The following PRKN variants were observed in gnomAD, a reference collection of about 807,000 sequenced individuals.
The protein encoded by PRKN is E3 ubiquitin-protein ligase parkin.
Under a neutral mutation model 59.5 loss-of-function variants are expected in PRKN, and 56 were observed. That is an observed-to-expected ratio of 0.94 (90% confidence interval 0.76 to 1.18). The LOEUF is 1.18. Among genes scored for constraint, PRKN ranks in the 50% most tolerant of loss-of-function variants. The probability of loss-of-function intolerance (pLI) is 0.00; values close to 1 mark genes in which losing one functional copy is unlikely to be tolerated. For missense variants in PRKN, 657 were observed against 596.4 expected (o/e 1.10, Z -1.06); for synonymous variants, 250 against 222.1 (o/e 1.13, Z -1.12).
rs1467752889 is a variant in PRKN, at chr6:161,584,347, A to G, written c.872-14931T>C. 1.3e-5 allele frequency among the ~76,000 whole-genome samples: 2 copies of G among 152,362 alleles called. No individual in the cohort carries two copies. The highest frequency in any genetic ancestry group is 2.1e-4 in the South Asian group (1 of 4,828). ...GGTGACTCATAGAGCAGTCACCCAC[A>G]TAATTGCTCTGAATATAATGGTGCT... On this transcript the variant is annotated intron_variant, in intron 7 of 11. Transcript: ENST00000366898. This position sits in a 1 kb window ranked among gnomAD's most constrained non-coding sequence, Gnocchi z 4.8.
chr6:162,006,598 C>T (rs1782264832), intron 5 of PRKN, among the ~76,000 whole-genome samples: 1 of 152,204 alleles, frequency 6.6e-6, no homozygotes. Flanking sequence ...CACTGTCCTC[C>T]TTTCAGCTCT....
At chr6:162,276,707 C>CTG (rs34617876) in intron 2 of PRKN, among the ~76,000 whole-genome samples, 4,716 of 144,488 alleles carry the variant, frequency 0.033, 125 homozygotes, top group Non-Finnish European at 0.041. Flanking sequence ...GTGTGTGTGT[C>CTG]TGTGTGTGTG....
At chr6:162,534,991 CCCCAG>C (rs1778660230) in intron 1 of PRKN, among the ~76,000 whole-genome samples, 1 of 148,584 alleles carries the variant, frequency 6.7e-6, no homozygotes, top group African/African-American at 2.6e-5. Flanking sequence ...TCTCTTCCTT[CCCCAG>C]TCCTCTTCCA....
At chr6:162,249,463 G>A (rs1779336374) in intron 3 of PRKN, among the ~76,000 whole-genome samples, 1 of 152,140 alleles carries the variant, frequency 6.6e-6, no homozygotes, top group Non-Finnish European at 1.5e-5. Context: ...TGCCTACGAA[G>A]CCCAGTGGAC....
chr6:162,082,520 C>A (rs911976020), intron 4 of PRKN, among the ~76,000 whole-genome samples: 6 of 152,182 alleles, frequency 3.9e-5, no homozygotes, highest in Non-Finnish European at 1.5e-5. Context: ...TCTTTCTAAT[C>A]ATTTTTGTCT....
At chr6:162,269,658 T>C (rs1224800819) in intron 2 of PRKN, 2 of 152,216 alleles carry the variant, frequency 1.3e-5, no homozygotes, top group Non-Finnish European at 2.9e-5. Context: ...GTCTTCAATA[T>C]CTTCAGTATC....
chr6:161,390,623 G>A lies in PRKN; in HGVS notation c.1084-3746C>T, dbSNP rs1292855978. The stretch of plus-strand genomic sequence containing the variant: ...CCCGTCTCAGCCTCCTGAGTAGCTG[G>A]GACTACAGGCGCCTGCCACCACGCC... On this transcript the variant is annotated intron_variant, in intron 9 of 11. Coordinates refer to ENST00000366898, the MANE Select transcript of PRKN (RefSeq NM_004562.3). The surrounding 1 kb of genome is among the most constrained non-coding windows in gnomAD (Gnocchi z 7.0). Among the ~76,000 whole-genome samples the A allele has an allele frequency of 6.6e-6, 1 of 152,012 alleles. No individual in the cohort carries two copies. Among genetic ancestry groups the A allele is most frequent in the Non-Finnish European group, 1.5e-5 (1 of 68,026 alleles).
chr6:162,023,832 G>C (rs543414412), intron 5 of PRKN, among the ~76,000 whole-genome samples: 2 of 152,078 alleles, frequency 1.3e-5, no homozygotes, highest in South Asian at 2.1e-4. Flanking sequence ...CTATCATTTA[G>C]AAGGACCATA....
At chr6:161,449,246 G>A (rs1583082080) in intron 9 of PRKN, among the ~76,000 whole-genome samples, 2 of 152,230 alleles carry the variant, frequency 1.3e-5, no homozygotes, top group East Asian at 1.9e-4. Flanking sequence ...TTTGTCCCAC[G>A]ATTTAGCATG....
intron 7 of PRKN, among the ~76,000 whole-genome samples, chr6:161,645,722 T>G (rs141575399): frequency 5.3e-4 from 81 of 152,382 alleles, no homozygotes; most frequent in African/African-American, 1.9e-3. Flanking sequence ...CACAATAAAG[T>G]GTCCATCACT....
In PRKN at chr6:162,161,718, G is replaced by A. The variant is rs76256006; in HGVS notation, c.534+39413C>T. Among the ~76,000 whole-genome samples the A allele has an allele frequency of 6.4e-3, 978 of 152,204 alleles. 10 individuals carry two copies. Among genetic ancestry groups the A allele is most frequent in the African/African-American group, 0.022 (917 of 41,522 alleles). On this transcript the variant is annotated intron_variant, in intron 4 of 11. Coordinates refer to ENST00000366898, the MANE Select transcript of PRKN (RefSeq NM_004562.3). ...AATCCTCCTTCTGACCTAACACTAC[G>A]TCACAATGCCTGGGCCGTTCACCTT...
intron 2 of PRKN, among the ~76,000 whole-genome samples, chr6:162,354,510 T>C (rs1462974290): frequency 6.6e-6 from 1 of 152,080 alleles, no homozygotes; most frequent in Non-Finnish European, 1.5e-5. Context: ...TTTTAAAGTA[T>C]ACTTTAAAAA....
chr6:162,586,335 T>C (rs1583858090), intron 1 of PRKN, among the ~76,000 whole-genome samples: 1 of 152,250 alleles, frequency 6.6e-6, no homozygotes. Flanking sequence ...TGTGTTTCAA[T>C]AGTTAGCATT....
chr6:162,157,907 A>G (rs1166236609), intron 4 of PRKN, among the ~76,000 whole-genome samples: 1 of 152,032 alleles, frequency 6.6e-6, no homozygotes, highest in Non-Finnish European at 1.5e-5. Context: ...TAATACTTTC[A>G]GTCCTCTGGT....
chr6:162,317,412 AG>A (rs1782799137), intron 2 of PRKN, among the ~76,000 whole-genome samples: 1 of 152,046 alleles, frequency 6.6e-6, no homozygotes, highest in Non-Finnish European at 1.5e-5. Flanking sequence ...CATAATTGTG[AG>A]GCCTCTCCAG....
chr6:162,204,058 AAC>A (rs1436054031), intron 3 of PRKN, among the ~76,000 whole-genome samples: 1 of 152,188 alleles, frequency 6.6e-6, no homozygotes, highest in Non-Finnish European at 1.5e-5. Context: ...AAGGATCTGT[AAC>A]ACAGTTTCTG....
At chr6:161,837,768 A>C (rs1357520032) in intron 6 of PRKN, among the ~76,000 whole-genome samples, 1 of 152,188 alleles carries the variant, frequency 6.6e-6, no homozygotes, top group African/African-American at 2.4e-5. Flanking sequence ...TTGGGAAATA[A>C]GTCTGAAGAA....
intron 5 of PRKN, among the ~76,000 whole-genome samples, chr6:162,011,978 G>T (rs1782744511): frequency 1.3e-5 from 2 of 152,058 alleles, no homozygotes; most frequent in Admixed American, 6.6e-5. Flanking sequence ...CTAGAGGATA[G>T]ATATAGACAA....
intron 7 of PRKN, among the ~76,000 whole-genome samples, chr6:161,754,283 G>A (rs1247340133): frequency 2.0e-5 from 3 of 152,026 alleles, no homozygotes; most frequent in Non-Finnish European, 4.4e-5. Context: ...AGAGAAAAGT[G>A]TGGGCTGAGA....
Sources: allele counts gnomAD v4.1 joint callset (sites outside exome capture counted in the v4.1 genomes callset), GRCh38; gene constraint gnomAD v4.1.1; non-coding constraint Gnocchi (gnomAD v3.1); transcripts MANE v1.5; gene names NCBI Gene and HGNC (gene_info 2026-07-23, HGNC 2026-07-21).